The following GRID2 variants were observed in gnomAD, a reference collection of about 807,000 sequenced individuals.
GRID2 encodes the protein glutamate receptor ionotropic, delta-2.
In GRID2, 33 loss-of-function variants were observed where a neutral mutation model predicts 114.8. That is an observed-to-expected ratio of 0.29 (90% CI 0.22 to 0.38). The LOEUF (loss-of-function observed/expected upper bound fraction) is 0.38, where lower values mean the gene tolerates loss of function less well. Ranked by LOEUF, GRID2 falls within the 10% of genes least tolerant of loss-of-function variation. The pLI, the probability that GRID2 is intolerant of heterozygous loss-of-function variation, is 1.00. For synonymous variants in GRID2, 505 were observed against 449.9 expected, an observed-to-expected ratio of 1.12 and a Z score of -1.55; for missense variants, 1,184 against 1,257.7, an observed-to-expected ratio of 0.94 and a Z score of 0.89.
At chr4:93,071,094 CTT>C (rs950662953) in intron 2 of GRID2, among the ~76,000 whole-genome samples, 16 of 152,178 alleles carry the variant, frequency 1.1e-4, no homozygotes, top group African/African-American at 3.6e-4. Flanking sequence ...CCAAACAACA[CTT>C]TTCTTATGAA....
chr4:92,786,294 T>A (rs1739317917), intron 2 of GRID2, among the ~76,000 whole-genome samples: 1 of 151,868 alleles, frequency 6.6e-6, no homozygotes, highest in South Asian at 2.1e-4. Context: ...CAGTTCCTTT[T>A]TGGGGTTTGA....
intron 2 of GRID2, among the ~76,000 whole-genome samples, chr4:92,889,854 T>G (rs1746630197): frequency 6.6e-6 from 1 of 152,182 alleles, no homozygotes. Context: ...TTGCACTATC[T>G]AACTTCAAAC....
At chr4:93,167,556 C>A (rs187158627) in intron 4 of GRID2, among the ~76,000 whole-genome samples, 417 of 152,146 alleles carry the variant, frequency 2.7e-3, no homozygotes, top group Non-Finnish European at 4.6e-3. Flanking sequence ...GCAACACAAC[C>A]ACCACCACCA....
At chr4:92,666,314 C>T (rs1275984015) in intron 2 of GRID2, among the ~76,000 whole-genome samples, 1 of 151,424 alleles carries the variant, frequency 6.6e-6, no homozygotes, top group African/African-American at 2.4e-5. Context: ...ATATTTCTTA[C>T]TTCCCCTGTG....
chr4:92,866,033 C>T (rs1744838203), intron 2 of GRID2, among the ~76,000 whole-genome samples: 2 of 152,166 alleles, frequency 1.3e-5, no homozygotes, highest in South Asian at 4.1e-4. Flanking sequence ...TATTCATTTA[C>T]AGAACCAAAG....
chr4:92,761,882 TATAAA>T (rs1432735497), intron 2 of GRID2, among the ~76,000 whole-genome samples: 4 of 152,146 alleles, frequency 2.6e-5, no homozygotes, highest in Non-Finnish European at 5.9e-5. Context: ...GATTTGAAAA[TATAAA>T]ATATAATATT....
chr4:93,751,496 T>C (rs1366975715), intron 14 of GRID2, among the ~76,000 whole-genome samples: 1 of 152,134 alleles, frequency 6.6e-6, no homozygotes, highest in African/African-American at 2.4e-5. Context: ...AGTTTCTGGT[T>C]CTTGGGGGGA....
intron 3 of GRID2, among the ~76,000 whole-genome samples, chr4:93,099,209 CT>C (rs1731492359): frequency 6.6e-6 from 1 of 151,674 alleles, no homozygotes; most frequent in Non-Finnish European, 1.5e-5. Context: ...CATGTACCTC[CT>C]TTTTTGGTTT....
At chr4:93,617,812 A>T (rs542340033) in intron 13 of GRID2, among the ~76,000 whole-genome samples, 5 of 152,312 alleles carry the variant, frequency 3.3e-5, no homozygotes, top group African/African-American at 1.2e-4. Context: ...CAGTGCAACA[A>T]GGGGTGATTC....
chr4:92,929,867 T>C (rs1259696558), intron 2 of GRID2, among the ~76,000 whole-genome samples: 1 of 151,406 alleles, frequency 6.6e-6, no homozygotes, highest in East Asian at 1.9e-4. Flanking sequence ...GTAAAAGTGC[T>C]TGATACATAC....
intron 12 of GRID2, among the ~76,000 whole-genome samples, chr4:93,509,410 A>G (rs1285490615): frequency 6.6e-6 from 1 of 152,200 alleles, no homozygotes; most frequent in East Asian, 1.9e-4. Context: ...AGGATACGGC[A>G]ATTCCAGAAA....
intron 2 of GRID2, among the ~76,000 whole-genome samples, chr4:92,787,831 A>C (rs1560591986): frequency 6.6e-6 from 1 of 151,792 alleles, no homozygotes; most frequent in East Asian, 2.0e-4. Flanking sequence ...GTGATAGAAG[A>C]CCGATGACAT....
At chr4:92,719,703 G>GA (rs1735720062) in intron 2 of GRID2, among the ~76,000 whole-genome samples, 1 of 152,014 alleles carries the variant, frequency 6.6e-6, no homozygotes, top group Non-Finnish European at 1.5e-5. Context: ...TTGATCTAGA[G>GA]AAATGGTACA....
intron 1 of GRID2, among the ~76,000 whole-genome samples, chr4:92,370,613 T>G (rs1171058327): frequency 6.6e-6 from 1 of 152,074 alleles, no homozygotes; most frequent in Non-Finnish European, 1.5e-5. Flanking sequence ...AAAAAGACAT[T>G]AGACCAATTA....
chr4:92,604,410 C>T (rs2149222116), intron 2 of GRID2, among the ~76,000 whole-genome samples: 1 of 152,172 alleles, frequency 6.6e-6, no homozygotes, highest in South Asian at 2.1e-4. Context: ...GAGCTGTGAG[C>T]TATTTTCCTC....
chr4:92,750,902 A>G (rs1560571713), intron 2 of GRID2, among the ~76,000 whole-genome samples: 1 of 152,210 alleles, frequency 6.6e-6, no homozygotes, highest in Non-Finnish European at 1.5e-5. Context: ...TTTTTAATTT[A>G]TCAAGCTGAG....
chr4:93,734,033 A>T (rs1209177540), intron 14 of GRID2, among the ~76,000 whole-genome samples: 1 of 151,896 alleles, frequency 6.6e-6, no homozygotes, highest in Non-Finnish European at 1.5e-5. Context: ...TATAGTTAAG[A>T]CCTCCTTAGA....
At chr4:92,840,141 C>T (rs1335033391) in intron 2 of GRID2, among the ~76,000 whole-genome samples, 2 of 151,910 alleles carry the variant, frequency 1.3e-5, no homozygotes, top group African/African-American at 2.4e-5. Context: ...ATAGTGACTC[C>T]TGCTTATATT....
At chr4:92,831,399 A>C (rs1466956654) in intron 2 of GRID2, among the ~76,000 whole-genome samples, 1 of 152,162 alleles carries the variant, frequency 6.6e-6, no homozygotes, top group African/African-American at 2.4e-5. Context: ...AACTCAACAA[A>C]AACGTGAGCT....
Sources: gnomAD v4.1 joint callset for allele counts (sites outside exome capture counted in the v4.1 genomes callset) on GRCh38, gnomAD v4.1.1 for gene constraint, MANE v1.5 for transcripts, NCBI Gene and HGNC (gene_info 2026-07-23, HGNC 2026-07-21) for gene names.